The following BIRC6 variants were observed in gnomAD, a reference collection of about 807,000 sequenced individuals.
The protein encoded by BIRC6 is dual E2 ubiquitin-conjugating enzyme/E3 ubiquitin-protein ligase BIRC6.
Under a neutral mutation model 503.3 loss-of-function variants are expected in BIRC6, and 98 were observed. The observed-to-expected ratio is 0.19, with a 90% CI of 0.17 to 0.23. BIRC6 has a LOEUF of 0.23. Among genes scored for constraint, BIRC6 ranks in the 10% least tolerant of loss-of-function variants. The probability of loss-of-function intolerance (pLI) is 1.00; values close to 1 mark genes in which losing one functional copy is unlikely to be tolerated. For missense variants in BIRC6, 5,360 were observed against 5,806.0 expected (o/e 0.92, Z 2.50); for synonymous variants, 2,240 against 2,078.7 (o/e 1.08, Z -2.11).
At chr2:32,490,317 A>G (rs1437358695) in intron 43 of BIRC6, among the ~76,000 whole-genome samples, 166 bp downstream of exon 43, 1 of 152,124 alleles carries the variant, frequency 6.6e-6, no homozygotes, top group Non-Finnish European at 1.5e-5. Flanking sequence ...GGAGGCCAGC[A>G]CGGGTGGATC....
At chr2:32,604,315 A>G (rs2062280824) in intron 71 of BIRC6, among the ~76,000 whole-genome samples, 1 of 152,168 alleles carries the variant, frequency 6.6e-6, no homozygotes. Context: ...TAAAAGAGGA[A>G]ATCCTTCATG....
At chr2:32,381,233 T>A (rs1015498789) in intron 3 of BIRC6, among the ~76,000 whole-genome samples, 1 of 152,080 alleles carries the variant, frequency 6.6e-6, no homozygotes, top group African/African-American at 2.4e-5. Flanking sequence ...TATACCTTGC[T>A]TTTTTTCTTT....
chr2:32,464,742 A>G lies in BIRC6; in HGVS notation c.5175A>G (p.Ala1725=), dbSNP rs2048340220. The change falls in exon 25 of 74, where the codon GCA becomes GCG. Residue 1725 remains alanine (A), a synonymous_variant. Transcript: ENST00000421745. ...AVSVVINAEL[A]QLFPGSVIDP... ...CCGTTGTGATTAATGCCGAACTTGC[A>G]CAGCTTTTCCCAGGCTCAGTCATTG... 1.2e-6 allele frequency: 2 copies of G among 1,614,040 alleles called. No homozygotes were observed. The highest frequency in any genetic ancestry group is 2.7e-5 in the African/African-American group (2 of 75,054).
At chr2:32,453,666 A>G in intron 22 of BIRC6, 142 bp from the exon 23 acceptor site, 1 of 747,724 alleles carries the variant, frequency 1.3e-6, no homozygotes. Context: ...TCTTAATACC[A>G]TGCCCATGAT....
Position 32,433,725 on chromosome 2 carries a change from G to C in BIRC6, c.3330G>C (p.Leu1110Phe). Reference protein sequence around the residue: ...MVGHVDFKFVLNSNITNIPQI... With the variant: ...MVGHVDFKFVFNSNITNIPQI... ...GACATGTGGACTTCAAATTCGTTTTGAACTCAAACATCACCAATATTCCAC... is the reference window on the plus strand; with the variant it reads ...GACATGTGGACTTCAAATTCGTTTTCAACTCAAACATCACCAATATTCCAC... Residue 1110 changes from leucine (L) to phenylalanine (F), a missense_variant, in exon 13 of 74, where the codon TTG (leucine) becomes TTC (phenylalanine). Transcript: ENST00000421745. 3.1e-6 allele frequency: 5 copies of C among 1,604,720 alleles called. 1 individual carries two copies. In the Middle Eastern group the frequency reaches 5.0e-4, roughly 160 times the overall value.
At chr2:32,417,373 A>G (rs1228681095) in intron 10 of BIRC6, among the ~76,000 whole-genome samples, 1 of 151,602 alleles carries the variant, frequency 6.6e-6, no homozygotes, top group East Asian at 2.0e-4. Context: ...CAAACTCCTG[A>G]GTTCAAGTGA....
At chr2:32,525,738 C>T in intron 59 of BIRC6, 110 bp downstream of exon 59, 1 of 1,093,008 alleles carries the variant, frequency 9.1e-7, no homozygotes, top group East Asian at 2.5e-5. Flanking sequence ...TTGATGAGAT[C>T]AGTGAGTTAG....
At chr2:32,603,266 T>TA (rs2062189612) in intron 71 of BIRC6, among the ~76,000 whole-genome samples, 183 bp downstream of exon 71, 1 of 152,182 alleles carries the variant, frequency 6.6e-6, no homozygotes, top group Non-Finnish European at 1.5e-5. Flanking sequence ...ATGTGTAATC[T>TA]AAAATCTCAA....
At chr2:32,363,820 A>AGT (rs1558524895) in intron 1 of BIRC6, among the ~76,000 whole-genome samples, 1 of 152,178 alleles carries the variant, frequency 6.6e-6, no homozygotes, top group Non-Finnish European at 1.5e-5. Flanking sequence ...ACAAATGTAA[A>AGT]ATAGGGGATG....
chr2:32,442,602 CT>C, intron 19 of BIRC6, 147 bp downstream of exon 19: 1 of 1,065,022 alleles, frequency 9.4e-7, no homozygotes, highest in Non-Finnish European at 1.3e-6. Context: ...TGTTGATAAT[CT>C]TAGCAAGAAT....
At chr2:32,375,440 G>A (rs1325762296) in intron 1 of BIRC6, among the ~76,000 whole-genome samples, 1 of 151,986 alleles carries the variant, frequency 6.6e-6, no homozygotes, top group Non-Finnish European at 1.5e-5. Flanking sequence ...TTGAGCCCCA[G>A]GCGTTGCCCT....
At chr2:32,545,266 C>G (rs1164695150) in intron 62 of BIRC6, among the ~76,000 whole-genome samples, 1 of 152,108 alleles carries the variant, frequency 6.6e-6, no homozygotes, top group Non-Finnish European at 1.5e-5. Flanking sequence ...ATTATCTGTT[C>G]TTGGTTAAAG....
At chr2:32,461,075 C>T (rs1392873338) in intron 23 of BIRC6, among the ~76,000 whole-genome samples, 1 of 5,180 alleles carries the variant, frequency 1.9e-4, no homozygotes, top group Non-Finnish European at 4.5e-4. Context: ...CTGTTCTCCT[C>T]TCCTCTCCTC....
Position 32,607,661 on chromosome 2 carries a change from A to G in BIRC6, c.14259+18A>G, listed in dbSNP as rs1559148695. 1 of 1,580,438 alleles carries G rather than the reference A, an allele frequency of 6.3e-7. No homozygotes were observed. The highest frequency in any genetic ancestry group is 1.8e-5 in the Admixed American group (1 of 56,536). ...TTAAAGAGGTATGTTCAATAAAATT[A>G]GTGAAATACTTTGTTAAAGACATTT... On this transcript the variant is annotated intron_variant, in intron 72 of 73. Coordinates refer to ENST00000421745, the MANE Select transcript of BIRC6 (RefSeq NM_016252.4).
rs752326572 is a variant in BIRC6, at chr2:32,473,095, T to C, written c.6593-17T>C. ...CATTTAACAGAATTATTAATACAAG[T>C]TTTCCTTCGCCTGTAGGTAATCAGT... On this transcript the variant is annotated splice_polypyrimidine_tract_variant and intron_variant, in intron 32 of 73. Transcript: ENST00000421745. 1.3e-6 allele frequency: 2 copies of C among 1,548,028 alleles called. No homozygotes were observed. Among genetic ancestry groups the C allele is most frequent in the Admixed American group, 4.3e-5 (2 of 46,778 alleles).
chr2:32,371,859 G>A (rs2149281534), intron 1 of BIRC6, among the ~76,000 whole-genome samples: 1 of 152,252 alleles, frequency 6.6e-6, no homozygotes, highest in South Asian at 2.1e-4. Context: ...AGGCTAGAGT[G>A]CAATGGCGCG....
chr2:32,533,888 A>G (rs1019046101), intron 61 of BIRC6, among the ~76,000 whole-genome samples: 2 of 152,200 alleles, frequency 1.3e-5, no homozygotes, highest in Non-Finnish European at 2.9e-5. Context: ...TGCTGTTCTG[A>G]GCCACTGAGT....
intron 15 of BIRC6, among the ~76,000 whole-genome samples, chr2:32,437,147 C>T (rs1444823413): frequency 3.3e-5 from 5 of 151,984 alleles, no homozygotes; most frequent in Non-Finnish European, 7.4e-5. Context: ...GCCTCGGTCC[C>T]CCAAAGTGTT....
intron 45 of BIRC6, among the ~76,000 whole-genome samples, chr2:32,495,008 G>T (rs1572612378): frequency 6.6e-6 from 1 of 152,192 alleles, no homozygotes; most frequent in East Asian, 1.9e-4. Context: ...TACATACTTT[G>T]TGAGGATTTT....
Sources: allele counts gnomAD v4.1 joint callset (sites outside exome capture counted in the v4.1 genomes callset), GRCh38; gene constraint gnomAD v4.1.1; transcripts MANE v1.5; gene names NCBI Gene and HGNC (gene_info 2026-07-23, HGNC 2026-07-21).